The following CDYL2 variants were observed in gnomAD, a reference collection of about 807,000 sequenced individuals.
CDYL2 encodes the protein chromodomain Y-like protein 2.
CDYL2 carries 23 observed loss-of-function variants against 49.4 expected under a neutral mutation model. The ratio of observed to expected loss-of-function variants is 0.47; its 90% confidence interval spans 0.34 to 0.66. The LOEUF (loss-of-function observed/expected upper bound fraction) is 0.66. CDYL2 is among the 30% of genes least tolerant of loss of function. The probability of loss-of-function intolerance (pLI) is 0.01; values close to 1 mark genes in which losing one functional copy is unlikely to be tolerated. For synonymous variants in CDYL2, 360 were observed against 268.8 expected, an observed-to-expected ratio of 1.34 and a Z score of -3.32; for missense variants, 678 against 656.4, an observed-to-expected ratio of 1.03 and a Z score of -0.36.
At chr16:80,743,003 T>C (rs561642634) in intron 1 of CDYL2, among the ~76,000 whole-genome samples, 1 of 99,212 alleles carries the variant, frequency 1.0e-5, no homozygotes, top group Non-Finnish European at 1.9e-5. Flanking sequence ...GATGAATAAA[T>C]GTATGGATGG....
chr16:80,652,760 G>A (rs1306171176), intron 2 of CDYL2, among the ~76,000 whole-genome samples: 1 of 152,108 alleles, frequency 6.6e-6, no homozygotes, highest in East Asian at 1.9e-4. Context: ...ACCCTCTGGG[G>A]TCCCTCCTCC....
chr16:80,711,987 GTATGTATATATA>G (rs1904614033), intron 1 of CDYL2, among the ~76,000 whole-genome samples: 3 of 150,290 alleles, frequency 2.0e-5, no homozygotes, highest in Non-Finnish European at 4.4e-5. Flanking sequence ...ATATATATAT[GTATGTATATATA>G]TGTGTGTATA....
At chr16:80,745,376 T>G (rs561492455) in intron 1 of CDYL2, among the ~76,000 whole-genome samples, 1 of 152,122 alleles carries the variant, frequency 6.6e-6, no homozygotes, top group African/African-American at 2.4e-5. Context: ...ACATAAATAC[T>G]CAAATACCCA....
chr16:80,628,924 T>C (rs1907426278), intron 3 of CDYL2, among the ~76,000 whole-genome samples: 1 of 152,070 alleles, frequency 6.6e-6, no homozygotes, highest in Non-Finnish European at 1.5e-5. Context: ...GTGCAAGTGA[T>C]GGGTGAACTG....
intron 1 of CDYL2, among the ~76,000 whole-genome samples, chr16:80,778,321 A>AT (rs1201697454): frequency 6.6e-6 from 1 of 152,012 alleles, no homozygotes; most frequent in Non-Finnish European, 1.5e-5. Context: ...AAGAGTAGAA[A>AT]TATATATAAA....
At chr16:80,640,924 T>G (rs1264885001) in intron 2 of CDYL2, among the ~76,000 whole-genome samples, 1 of 151,674 alleles carries the variant, frequency 6.6e-6, no homozygotes, top group Non-Finnish European at 1.5e-5. Context: ...GAAAAAGGAA[T>G]AAAAAACAGT....
chr16:80,676,062 T>C (rs191622476), intron 2 of CDYL2, among the ~76,000 whole-genome samples: 23 of 152,254 alleles, frequency 1.5e-4, no homozygotes, highest in Middle Eastern at 3.4e-3. Flanking sequence ...ATTCTCCCCT[T>C]GGATCTGCCA....
chr16:80,649,788 A>T (rs1363786060), intron 2 of CDYL2, among the ~76,000 whole-genome samples: 2 of 152,214 alleles, frequency 1.3e-5, no homozygotes, highest in Non-Finnish European at 2.9e-5. Flanking sequence ...ATAGAACAGA[A>T]TAGAGAACCC....
intron 1 of CDYL2, among the ~76,000 whole-genome samples, chr16:80,783,679 C>A (rs1907343223): frequency 6.6e-6 from 1 of 152,288 alleles, no homozygotes; most frequent in South Asian, 2.1e-4. Context: ...TATTAGAACT[C>A]TGATTTAATG....
chr16:80,801,261 G>T (rs972237017), intron 1 of CDYL2, among the ~76,000 whole-genome samples: 3 of 152,226 alleles, frequency 2.0e-5, no homozygotes, highest in Non-Finnish European at 4.4e-5. Context: ...CACTACAGGA[G>T]AAACAAACCA....
chr16:80,707,892 T>C (rs754901554), intron 1 of CDYL2, among the ~76,000 whole-genome samples: 4 of 152,188 alleles, frequency 2.6e-5, no homozygotes, highest in Non-Finnish European at 5.9e-5. Flanking sequence ...TAAGAGACCA[T>C]TGATGCCTCT....
intron 1 of CDYL2, among the ~76,000 whole-genome samples, chr16:80,727,783 C>G (rs1472364370): frequency 7.2e-5 from 11 of 152,306 alleles, no homozygotes; most frequent in Admixed American, 5.9e-4. Context: ...TCAAGTGGGT[C>G]CCTGACCCCT....
intron 1 of CDYL2, among the ~76,000 whole-genome samples, chr16:80,693,953 G>C (rs577908650): frequency 2.0e-5 from 3 of 152,328 alleles, no homozygotes; most frequent in Non-Finnish European, 4.4e-5. Flanking sequence ...AAAAGGAGCT[G>C]ACCCAAGTAA....
chr16:80,660,943 C>T (rs138366461), intron 2 of CDYL2, among the ~76,000 whole-genome samples: 100 of 152,244 alleles, frequency 6.6e-4, no homozygotes, highest in African/African-American at 2.4e-3. Context: ...GGGGCAGCTG[C>T]CCCTGAGCTA....
At chr16:80,739,611 C>A (rs1243848413) in intron 1 of CDYL2, among the ~76,000 whole-genome samples, 1 of 152,154 alleles carries the variant, frequency 6.6e-6, no homozygotes, top group African/African-American at 2.4e-5. Context: ...ACCAGAGAGA[C>A]CCTAGCACTG....
At chr16:80,651,780 A>G (rs1908593929) in intron 2 of CDYL2, among the ~76,000 whole-genome samples, 1 of 152,224 alleles carries the variant, frequency 6.6e-6, no homozygotes. Context: ...AACTCTACAC[A>G]GCACTGTACT....
At chr16:80,726,887 G>C (rs1408643939) in intron 1 of CDYL2, among the ~76,000 whole-genome samples, 1 of 152,136 alleles carries the variant, frequency 6.6e-6, no homozygotes, top group Non-Finnish European at 1.5e-5. Flanking sequence ...AGGAGTTCAA[G>C]ACCAGCCTGG....
intron 1 of CDYL2, among the ~76,000 whole-genome samples, chr16:80,731,504 C>A (rs1024828799): frequency 6.6e-6 from 1 of 152,030 alleles, no homozygotes; most frequent in African/African-American, 2.4e-5. Context: ...ACCAGGAACC[C>A]CACACAATGA....
intron 2 of CDYL2, among the ~76,000 whole-genome samples, chr16:80,638,574 A>G (rs1281484133): frequency 6.6e-6 from 1 of 152,340 alleles, no homozygotes; most frequent in Non-Finnish European, 1.5e-5. Flanking sequence ...TCCAAAACTT[A>G]CTATAAAGCT....
Sources: gnomAD v4.1 joint callset for allele counts (sites outside exome capture counted in the v4.1 genomes callset) on GRCh38, gnomAD v4.1.1 for gene constraint, MANE v1.5 for transcripts, NCBI Gene and HGNC (gene_info 2026-07-23, HGNC 2026-07-21) for gene names.